MACROD2: variants seen among roughly 807,000 people sequenced by gnomAD.
MACROD2 encodes ADP-ribose glycohydrolase MACROD2.
In MACROD2, 36 loss-of-function variants were observed where a neutral mutation model predicts 70.4. That is an observed-to-expected ratio of 0.51 (90% CI 0.39 to 0.68). MACROD2 has a LOEUF of 0.68. Ranked by LOEUF, MACROD2 falls within the 30% of genes least tolerant of loss-of-function variation. The pLI is 0.00. For missense variants in MACROD2, 496 were observed against 538.4 expected (o/e 0.92, Z 0.78); for synonymous variants, 172 against 178.8 (o/e 0.96, Z 0.30).
At chr20:15,341,178 G>T (rs1283190706) in intron 6 of MACROD2, among the ~76,000 whole-genome samples, 1 of 152,016 alleles carries the variant, frequency 6.6e-6, no homozygotes, top group African/African-American at 2.4e-5. Flanking sequence ...ATTTTCTTTG[G>T]TACATAAAAC....
chr20:15,145,194 A>C (rs1424091290), intron 5 of MACROD2, among the ~76,000 whole-genome samples: 2 of 152,168 alleles, frequency 1.3e-5, no homozygotes, highest in Non-Finnish European at 2.9e-5. Context: ...CACAGATGAC[A>C]TTTGGTGGTC....
intron 9 of MACROD2, among the ~76,000 whole-genome samples, chr20:15,868,408 C>T (rs2064523689): frequency 6.6e-6 from 1 of 152,150 alleles, no homozygotes; most frequent in Admixed American, 6.5e-5. Context: ...CACCCCACTC[C>T]TGGTATCATT....
At chr20:15,679,601 T>G (rs2050132345) in intron 8 of MACROD2, among the ~76,000 whole-genome samples, 1 of 152,210 alleles carries the variant, frequency 6.6e-6, no homozygotes, top group Admixed American at 6.5e-5. Context: ...GCTTCTGATT[T>G]AGCACTCTCA....
intron 5 of MACROD2, among the ~76,000 whole-genome samples, chr20:14,725,178 G>A (rs2071514302): frequency 6.6e-6 from 1 of 152,182 alleles, no homozygotes; most frequent in Non-Finnish European, 1.5e-5. Context: ...AGAGGGAGGA[G>A]AAGCAGGTTT....
chr20:15,939,399 T>C (rs2065716416), intron 12 of MACROD2, among the ~76,000 whole-genome samples: 1 of 152,140 alleles, frequency 6.6e-6, no homozygotes. Flanking sequence ...TCTTAACAAT[T>C]AGGCGAAGTC....
chr20:14,235,120 A>T (rs1289021634), intron 3 of MACROD2, among the ~76,000 whole-genome samples: 2 of 152,156 alleles, frequency 1.3e-5, no homozygotes, highest in African/African-American at 2.4e-5. Flanking sequence ...AGGCAGATTA[A>T]AAAAGGTATC....
At chr20:15,218,888 T>C (rs1255615573) in intron 5 of MACROD2, among the ~76,000 whole-genome samples, 1 of 151,944 alleles carries the variant, frequency 6.6e-6, no homozygotes, top group Non-Finnish European at 1.5e-5. Flanking sequence ...CTACTAAAAA[T>C]ACAAAAAATT....
chr20:14,706,515 T>C (rs950120610), intron 5 of MACROD2, among the ~76,000 whole-genome samples: 1 of 152,014 alleles, frequency 6.6e-6, no homozygotes, highest in Non-Finnish European at 1.5e-5. Context: ...ATTTTATGAG[T>C]TTAAAAATTG....
chr20:15,015,340 A>G (rs2075112916), intron 5 of MACROD2, among the ~76,000 whole-genome samples: 1 of 152,184 alleles, frequency 6.6e-6, no homozygotes, highest in African/African-American at 2.4e-5. Context: ...CTTTCAAATC[A>G]TAGTTTCATA....
intron 5 of MACROD2, among the ~76,000 whole-genome samples, chr20:14,834,764 G>A (rs1568823583): frequency 1.3e-5 from 2 of 151,822 alleles, no homozygotes; most frequent in South Asian, 4.2e-4. Context: ...TGTTATCAGG[G>A]TAATAGAAAT....
chr20:14,453,850 G>A (rs1433778597), intron 3 of MACROD2, among the ~76,000 whole-genome samples: 1 of 151,660 alleles, frequency 6.6e-6, no homozygotes, highest in Non-Finnish European at 1.5e-5. Flanking sequence ...TATTTAACAG[G>A]ACATGATTGG....
At chr20:14,408,803 A>G (rs1295901075) in intron 3 of MACROD2, among the ~76,000 whole-genome samples, 1 of 152,194 alleles carries the variant, frequency 6.6e-6, no homozygotes, top group Non-Finnish European at 1.5e-5. Flanking sequence ...GTTTACCTCT[A>G]GAGAGAAGCT....
At chr20:14,216,401 A>T (rs1325118779) in intron 3 of MACROD2, among the ~76,000 whole-genome samples, 4 of 152,272 alleles carry the variant, frequency 2.6e-5, no homozygotes, top group African/African-American at 9.6e-5. Flanking sequence ...CTGTTTGGTG[A>T]CTATGGCCTT....
At chr20:15,006,156 TG>T (rs2075035436) in intron 5 of MACROD2, among the ~76,000 whole-genome samples, 2 of 150,774 alleles carry the variant, frequency 1.3e-5, no homozygotes, top group African/African-American at 4.9e-5. Context: ...TGTGTGTGTG[TG>T]TGTGTGTGTG....
chr20:15,796,237 G>A (rs12106196), intron 8 of MACROD2, among the ~76,000 whole-genome samples: 4,469 of 152,232 alleles, frequency 0.029, 250 homozygotes, highest in African/African-American at 0.1. Context: ...AGAAGCCCAC[G>A]TTAATACTCT....
intron 5 of MACROD2, among the ~76,000 whole-genome samples, chr20:14,765,945 A>T (rs1315158984): frequency 6.6e-6 from 1 of 152,032 alleles, no homozygotes; most frequent in Non-Finnish European, 1.5e-5. Context: ...TGGCCTAGAG[A>T]ATTGGAGAGC....
chr20:14,695,396 G>A (rs575256287), intron 5 of MACROD2, among the ~76,000 whole-genome samples: 1 of 152,254 alleles, frequency 6.6e-6, no homozygotes, highest in East Asian at 1.9e-4. Flanking sequence ...ACTCGAATCC[G>A]GGATCATCTC....
intron 5 of MACROD2, among the ~76,000 whole-genome samples, chr20:14,688,341 T>A (rs1354897319): frequency 6.6e-6 from 1 of 152,216 alleles, no homozygotes; most frequent in Non-Finnish European, 1.5e-5. Context: ...TCTTTTATGC[T>A]TGCTAAATTA....
chr20:14,252,307 C>T (rs1601401864), intron 3 of MACROD2, among the ~76,000 whole-genome samples: 1 of 151,826 alleles, frequency 6.6e-6, no homozygotes, highest in East Asian at 1.9e-4. Context: ...GTCACTGTTC[C>T]CCCCTAATAA....
Sources: gnomAD v4.1 joint callset for allele counts (sites outside exome capture counted in the v4.1 genomes callset) on GRCh38, gnomAD v4.1.1 for gene constraint, MANE v1.5 for transcripts, NCBI Gene and HGNC (gene_info 2026-07-23, HGNC 2026-07-21) for gene names.